The following CFAP52 variants were observed in gnomAD, a reference collection of about 807,000 sequenced individuals.
CFAP52 encodes cilia and flagella associated protein 52.
A neutral mutation model predicts 70.5 loss-of-function variants in CFAP52; 57 were observed. The observed-to-expected ratio is 0.81, with a 90% confidence interval of 0.65 to 1.01. CFAP52 has a LOEUF of 1.01. Among genes scored for constraint, CFAP52 ranks in the 50% least tolerant of loss-of-function variants. CFAP52 has a pLI of 0.00. For synonymous variants in CFAP52, 267 were observed against 292.5 expected, an observed-to-expected ratio of 0.91 and a Z score of 0.89; for missense variants, 785 against 788.5, an observed-to-expected ratio of 1.00 and a Z score of 0.05.
downstream of CFAP52, among the ~76,000 whole-genome samples, chr17:9,644,384 C>A (rs527301696): frequency 1.3e-5 from 2 of 152,098 alleles, no homozygotes; most frequent in Non-Finnish European, 2.9e-5. Flanking sequence ...GGATTACAGG[C>A]GTGAGCCACC....
At chr17:9,636,422 C>T (rs1910807694) in intron 11 of CFAP52, among the ~76,000 whole-genome samples, 1 of 152,078 alleles carries the variant, frequency 6.6e-6, no homozygotes, top group Non-Finnish European at 1.5e-5. Context: ...GTATCACACC[C>T]CCATAGAATG....
chr17:9,600,243 T>A (rs578043543), intron 6 of CFAP52, 60 bp downstream of exon 6: 10 of 1,148,424 alleles, frequency 8.7e-6, no homozygotes, highest in African/African-American at 1.6e-5. Context: ...CAGCATGTAC[T>A]TTTTTTTTTC....
At chr17:9,640,009 C>T (rs1052362132) in intron 12 of CFAP52, among the ~76,000 whole-genome samples, 2 of 152,084 alleles carry the variant, frequency 1.3e-5, no homozygotes, top group Non-Finnish European at 2.9e-5. Flanking sequence ...ACTATGAAAT[C>T]AGAACTTTTT....
chr17:9,581,783 C>T (rs1233194945), intron 1 of CFAP52, among the ~76,000 whole-genome samples: 1 of 152,150 alleles, frequency 6.6e-6, no homozygotes, highest in Non-Finnish European at 1.5e-5. Context: ...ATTTTCTCTC[C>T]TAATTCCTTG....
intron 8 of CFAP52, among the ~76,000 whole-genome samples, chr17:9,626,316 G>A (rs774814549): frequency 1.4e-4 from 21 of 152,132 alleles, no homozygotes; most frequent in Non-Finnish European, 2.2e-4. Flanking sequence ...TGCAACCTCC[G>A]CCTCCTGGGT....
At chr17:9,606,207 C>A (rs976085732) in intron 6 of CFAP52, among the ~76,000 whole-genome samples, 4 of 152,026 alleles carry the variant, frequency 2.6e-5, no homozygotes, top group Non-Finnish European at 5.9e-5. Flanking sequence ...CATAGAAATA[C>A]CCTATTTCTG....
At chr17:9,608,077 T>C in intron 6 of CFAP52, 42 bp from the exon 7 acceptor site, 1 of 1,532,674 alleles carries the variant, frequency 6.5e-7, no homozygotes, top group Non-Finnish European at 8.9e-7. Context: ...TGGTGATTTG[T>C]GAGATTTTTG....
chr17:9,600,625 C>T (rs567816231), intron 6 of CFAP52, among the ~76,000 whole-genome samples: 2 of 152,164 alleles, frequency 1.3e-5, no homozygotes, highest in African/African-American at 4.8e-5. Context: ...CGTGCAGTGG[C>T]GAGATGTCGG....
chr17:9,637,765 G>A (rs1910874755), intron 11 of CFAP52, among the ~76,000 whole-genome samples: 1 of 152,184 alleles, frequency 6.6e-6, no homozygotes, highest in Non-Finnish European at 1.5e-5. Flanking sequence ...AGTAGAGACG[G>A]GGTTTCACCA....
chr17:9,645,529 CA>C, downstream of CFAP52: 2 of 1,069,332 alleles, frequency 1.9e-6, no homozygotes, highest in Non-Finnish European at 2.3e-6. The surrounding 1 kb of genome is among the most constrained non-coding windows in gnomAD (Gnocchi z 6.8). Context: ...ACCTGGCCCG[CA>C]GGTAGCCGGC....
chr17:9,631,030 G>GAAAGAA (rs764569895), intron 9 of CFAP52, among the ~76,000 whole-genome samples: 170 of 59,546 alleles, frequency 2.9e-3, no homozygotes, highest in Middle Eastern at 9.8e-3. Flanking sequence ...AAGAAAGAAA[G>GAAAGAA]AGAGAGAGAG....
rs751576882 is a variant in CFAP52, at chr17:9,586,834, G to A, written c.407G>A (p.Ser136Asn). Residue 136 changes from serine to asparagine, a missense_variant and splice_region_variant, in exon 3 of 14, where the codon AGT becomes AAT. By Grantham distance (46) the Ser-to-Asn change is conservative (BLOSUM62 1). Coordinates refer to ENST00000352665, the MANE Select transcript of CFAP52 (RefSeq NM_145054.5). Reference sequence around the variant, plus strand: ...TCACTAGGAGGCCCAGATGACGGAAGGTAATGAACTAAACATAGTTACTTA... The same window carrying A: ...TCACTAGGAGGCCCAGATGACGGAAAGTAATGAACTAAACATAGTTACTTA... ...LVSLGGPDDG[S>N]VVVWSIAKRD... The A allele has an allele frequency of 3.8e-6, 6 of 1,592,520 alleles. No homozygotes were observed. The highest frequency in any genetic ancestry group is 5.1e-6 in the Non-Finnish European group (6 of 1,173,770).
intron 11 of CFAP52, among the ~76,000 whole-genome samples, chr17:9,636,128 CAT>C (rs1910766816): frequency 6.7e-6 from 1 of 150,064 alleles, no homozygotes; most frequent in Non-Finnish European, 1.5e-5. Flanking sequence ...GAACTGAGAT[CAT>C]GCCACTGCAC....
chr17:9,628,194 A>G (rs1016172871), intron 8 of CFAP52, among the ~76,000 whole-genome samples: 1 of 152,200 alleles, frequency 6.6e-6, no homozygotes, highest in African/African-American at 2.4e-5. Context: ...ATTAGAGGGC[A>G]TTAAATACCG....
chr17:9,611,888 C>A (rs542046369), intron 7 of CFAP52, among the ~76,000 whole-genome samples: 1 of 152,168 alleles, frequency 6.6e-6, no homozygotes, highest in African/African-American at 2.4e-5. Flanking sequence ...TGTTTCCAAC[C>A]TTTTACTCTT....
At chr17:9,608,296 T>C (rs1251864632) in intron 7 of CFAP52, 77 bp downstream of exon 7, 1 of 1,200,092 alleles carries the variant, frequency 8.3e-7, no homozygotes, top group Non-Finnish European at 1.1e-6. Context: ...AGCAACTCGA[T>C]GATATCGGCA....
rs1911077847 is a variant in CFAP52, at chr17:9,641,835, G to C, written c.1687G>C (p.Gly563Arg). Residue 563 changes from glycine (G) to arginine (R), a missense_variant and splice_region_variant, in exon 13 of 14, where the codon GGT becomes CGT. By Grantham distance (125) the Gly-to-Arg change is moderately radical. Transcript: ENST00000352665. ...ACAGGAAGGGGTGCACTTTGTCACA[G>C]GTTAGTCCTGGGATAGGAAAAAGCC... is the stretch of plus-strand genomic sequence containing the variant. ...ITQEGVHFVT[G>R]GNDHLVKVWD... The C allele has an allele frequency of 2.5e-6, 4 of 1,613,060 alleles. No homozygotes were observed. Among genetic ancestry groups the C allele is most frequent in the Non-Finnish European group, 3.4e-6 (4 of 1,179,152 alleles).
chr17:9,637,911 G>A (rs998287515), intron 11 of CFAP52, among the ~76,000 whole-genome samples: 5 of 152,098 alleles, frequency 3.3e-5, no homozygotes, highest in Non-Finnish European at 4.4e-5. Context: ...TTCCCAGGCC[G>A]GGCTCTCTTC....
intron 8 of CFAP52, among the ~76,000 whole-genome samples, chr17:9,625,430 G>GTA (rs1271441752): frequency 4.3e-5 from 6 of 140,820 alleles, no homozygotes; most frequent in African/African-American, 1.4e-4. Context: ...GTTAGCTAGG[G>GTA]ATACATGTAT....
Sources: allele counts gnomAD v4.1 joint callset (sites outside exome capture counted in the v4.1 genomes callset), GRCh38; gene constraint gnomAD v4.1.1; non-coding constraint Gnocchi (gnomAD v3.1); transcripts MANE v1.5; gene names NCBI Gene and HGNC (gene_info 2026-07-23, HGNC 2026-07-21).